PCDHA6: variants seen among roughly 807,000 people sequenced by gnomAD.
PCDHA6 encodes the protein protocadherin alpha 6.
In PCDHA6, 55 loss-of-function variants were observed where a neutral mutation model predicts 60.3. That is an observed-to-expected ratio of 0.91 (90% CI 0.73 to 1.14). The LOEUF (loss-of-function observed/expected upper bound fraction) is 1.14. Ranked by LOEUF, PCDHA6 falls within the 50% of genes most tolerant of loss-of-function variation. The probability of loss-of-function intolerance (pLI) is 0.00; values close to 1 mark genes in which losing one functional copy is unlikely to be tolerated. For synonymous variants in PCDHA6, 652 were observed against 557.9 expected (o/e 1.17, Z -2.38); for missense variants, 1,327 against 1,256.5 (o/e 1.06, Z -0.85).
At chr5:140,945,527 C>A (rs1268496424) in intron 1 of PCDHA6, among the ~76,000 whole-genome samples, 2 of 151,828 alleles carry the variant, frequency 1.3e-5, no homozygotes, top group African/African-American at 4.8e-5. Context: ...ATAAATAAAA[C>A]AAAACATACA....
Position 140,963,600 on chromosome 5 carries a change from G to A in PCDHA6, c.2395-15349G>A, listed in dbSNP as rs111244023. Among the ~76,000 whole-genome samples, 12 of 152,298 alleles carry A rather than the reference G, an allele frequency of 7.9e-5. No homozygotes were observed. In the South Asian group the frequency reaches 1.7e-3, roughly 21 times the overall value. ...CAAAATGTAGGATATAGTTCTAGAC[G>A]TAATTGGGAAAGCTTAACTTTGTTG... On this transcript the variant is annotated intron_variant, in intron 1 of 3. Transcript: ENST00000529310.
Position 140,960,269 on chromosome 5 carries a change from G to A in PCDHA6, c.2395-18680G>A, listed in dbSNP as rs148980300. On this transcript the variant is annotated intron_variant, in intron 1 of 3. Transcript: ENST00000529310. ...CTTCCTGGAGCTTCTGATAAATTCC[G>A]TCACCTTTTTGGGACCCAGTTTCTT... is the stretch of plus-strand genomic sequence containing the variant. Among the ~76,000 whole-genome samples, 355 of 152,162 alleles carry A rather than the reference G, an allele frequency of 2.3e-3. 1 individual carries two copies. The highest frequency in any genetic ancestry group is 7.0e-3 in the African/African-American group (290 of 41,548).
intron 3 of PCDHA6, among the ~76,000 whole-genome samples, chr5:141,002,788 A>G (rs1013908430): frequency 6.6e-6 from 1 of 152,192 alleles, no homozygotes; most frequent in Admixed American, 6.5e-5. Context: ...TCTCCATTTT[A>G]TGGATGAGGA....
rs200253752 is a variant in PCDHA6, at chr5:140,890,259, T to TA, written c.2394+59774_2394+59775insA. ...TTTACCAGTACACTACTGCACCTGA[T>TA]TGCAAGCAAGAACCACTCAGTTGAG... On this transcript the variant is annotated intron_variant, in intron 1 of 3. Coordinates refer to ENST00000529310, the MANE Select transcript of PCDHA6 (RefSeq NM_018909.4). Among the ~76,000 whole-genome samples the TA allele has an allele frequency of 8.0e-3, 1,219 of 152,258 alleles. 6 individuals carry two copies. Among genetic ancestry groups the TA allele is most frequent in the African/African-American group, 0.019 (787 of 41,546 alleles).
At chr5:140,990,134 CAA>C (rs2097375582) in intron 3 of PCDHA6, among the ~76,000 whole-genome samples, 2 of 151,958 alleles carry the variant, frequency 1.3e-5, no homozygotes, top group Non-Finnish European at 2.9e-5. Flanking sequence ...AAGTCAGACT[CAA>C]GAGGCATAAT....
Position 140,838,081 on chromosome 5 carries a change from T to A in PCDHA6, c.2394+7596T>A, listed in dbSNP as rs1309951624. The stretch of plus-strand genomic sequence containing the variant: ...CACTTTAAGTTATATATATATAGTG[T>A]GTGTGTGTGTGTGTGTGTGTGTGTG... On this transcript the variant is annotated intron_variant, in intron 1 of 3. Coordinates refer to ENST00000529310, the MANE Select transcript of PCDHA6 (RefSeq NM_018909.4). Among the ~76,000 whole-genome samples, 2 of 13,360 alleles carry A rather than the reference T, an allele frequency of 1.5e-4. 1 individual carries two copies. Among genetic ancestry groups the A allele is most frequent in the South Asian group, 5.1e-3 (2 of 390 alleles). 8.8% of individuals were successfully genotyped at this position (13,360 alleles called of 152,430 possible).
chr5:140,966,113 A>T (rs1224729629), intron 1 of PCDHA6: 1 of 155,768 alleles, frequency 6.4e-6, no homozygotes, highest in African/African-American at 2.4e-5. Flanking sequence ...GGGTGCCCAT[A>T]CTTAGCTAAG....
intron 1 of PCDHA6, among the ~76,000 whole-genome samples, chr5:140,911,275 G>C (rs1048648150): frequency 2.0e-5 from 3 of 152,164 alleles, no homozygotes; most frequent in African/African-American, 7.2e-5. Context: ...AGTGTCCCCA[G>C]CTTCATCAGG....
intron 1 of PCDHA6, among the ~76,000 whole-genome samples, chr5:140,955,670 T>C (rs1212129993): frequency 6.6e-6 from 1 of 152,140 alleles, no homozygotes; most frequent in East Asian, 1.9e-4. Flanking sequence ...TTTAACATAG[T>C]TTTTTCGAAA....
chr5:140,891,009 A>G (rs2062900955), intron 1 of PCDHA6, among the ~76,000 whole-genome samples: 1 of 151,934 alleles, frequency 6.6e-6, no homozygotes, highest in South Asian at 2.1e-4. Flanking sequence ...ATTGAAAAGC[A>G]TTTTTTCTGA....
intron 1 of PCDHA6, chr5:140,854,657 T>C (rs1554147373): frequency 6.7e-6 from 1 of 149,998 alleles, no homozygotes; most frequent in Non-Finnish European, 1.5e-5. Context: ...ATAAAATAAA[T>C]TAACCCTTGC....
intron 1 of PCDHA6, chr5:140,868,630 T>G (rs1440809892): frequency 6.5e-6 from 1 of 154,578 alleles, no homozygotes; most frequent in Non-Finnish European, 1.4e-5. Context: ...CTGAATTCTC[T>G]TTCTCTCTCA....
At chr5:140,877,585 T>A (rs2057227188) in intron 1 of PCDHA6, 1 of 1,613,836 alleles carries the variant, frequency 6.2e-7, no homozygotes, top group Non-Finnish European at 8.5e-7. Flanking sequence ...CATCGCCATC[T>A]GTGCGGTGTC....
At chr5:140,933,721 C>T (rs957167505) in intron 1 of PCDHA6, among the ~76,000 whole-genome samples, 1 of 151,982 alleles carries the variant, frequency 6.6e-6, no homozygotes, top group African/African-American at 2.4e-5. Flanking sequence ...ATTGGTGATA[C>T]AGCTTTCTTA....
At chr5:140,842,469 G>A in intron 1 of PCDHA6, 3 of 1,613,864 alleles carry the variant, frequency 1.9e-6, no homozygotes, top group Non-Finnish European at 2.5e-6. Context: ...GGTGCCAACG[G>A]GCAGGTGACC....
chr5:140,992,414 G>T (rs868994021), intron 3 of PCDHA6, among the ~76,000 whole-genome samples: 1 of 152,128 alleles, frequency 6.6e-6, no homozygotes, highest in African/African-American at 2.4e-5. Flanking sequence ...TCTGCCCCAG[G>T]TCTAAGAATA....
intron 1 of PCDHA6, chr5:140,850,383 G>A (rs2150481860): frequency 2.5e-6 from 4 of 1,597,842 alleles, no homozygotes; most frequent in South Asian, 1.1e-5. Context: ...GTACACGGGC[G>A]AGATCAGCAC....
At chr5:140,883,121 G>A in intron 1 of PCDHA6, 3 of 1,614,070 alleles carry the variant, frequency 1.9e-6, no homozygotes, top group Non-Finnish European at 2.5e-6. Context: ...TAGAAGGCCT[G>A]TATGGCCTGC....
Position 141,004,229 on chromosome 5 carries a change from T to G in PCDHA6, c.2543-5398T>G, listed in dbSNP as rs368330742. On this transcript the variant is annotated intron_variant, in intron 3 of 3. Transcript: ENST00000529310. ...AGATTAGGAGGTCAGTCAGTGTTTG[T>G]CAGATCCTTAAGCTTTTGTTTTACT... Among the ~76,000 whole-genome samples, 5 of 152,250 alleles carry G rather than the reference T, an allele frequency of 3.3e-5. No individual in the cohort carries two copies. The East Asian group carries it at 7.7e-4, about 23-fold the overall frequency.
Sources: allele counts gnomAD v4.1 joint callset (sites outside exome capture counted in the v4.1 genomes callset), GRCh38; gene constraint gnomAD v4.1.1; transcripts MANE v1.5; gene names NCBI Gene and HGNC (gene_info 2026-07-23, HGNC 2026-07-21).